The following CBX2 variants were observed in gnomAD, a reference collection of about 807,000 sequenced individuals.
CBX2 encodes the protein chromobox protein homolog 2.
Under a neutral mutation model 21.0 loss-of-function variants are expected in CBX2, and 11 were observed. The observed-to-expected ratio is 0.52, with a 90% CI of 0.33 to 0.87. CBX2 has a LOEUF of 0.87. Among genes scored for constraint, CBX2 ranks in the 40% least tolerant of loss-of-function variants. The pLI, the probability that CBX2 is intolerant of heterozygous loss-of-function variation, is 0.02. For synonymous variants in CBX2, 364 were observed against 304.6 expected (o/e 1.19, Z -2.03); for missense variants, 746 against 724.3 (o/e 1.03, Z -0.34).
intron 3 of CBX2, among the ~76,000 whole-genome samples, chr17:79,780,389 G>A (rs562427614): frequency 6.6e-6 from 1 of 152,350 alleles, no homozygotes; most frequent in South Asian, 2.1e-4. Flanking sequence ...GGTGGGGCGA[G>A]CAAAAAGAAG....
intron 2 of CBX2, 27 bp from the exon 3 acceptor site, chr17:79,779,335 A>G: frequency 1.4e-5 from 22 of 1,610,446 alleles, no homozygotes; most frequent in Non-Finnish European, 1.9e-5. Flanking sequence ...CCTGGCGTCT[A>G]ATGCTGCCCT....
In CBX2 at chr17:79,786,638, T is replaced by TA. The variant is rs1187762938; in HGVS notation, c.*1600dup. 1.3e-5 allele frequency: 2 copies of TA among 152,736 alleles called. No homozygotes were observed. The highest frequency in any genetic ancestry group is 2.9e-5 in the Non-Finnish European group (2 of 68,172). 9.5% of individuals were successfully genotyped at this position (152,736 alleles called of 1,614,324 possible). On this transcript the variant is annotated 3_prime_UTR_variant, in exon 5 of 5. Transcript: ENST00000310942. Reference sequence around the variant, plus strand: ...CACTAGGTCTTTGTGATGCCAAAAATAAAAGAGGGTGGGGTGGGTGCTTTC... The same window carrying TA: ...CACTAGGTCTTTGTGATGCCAAAAATAAAAAGAGGGTGGGGTGGGTGCTTTC...
intron 3 of CBX2, among the ~76,000 whole-genome samples, chr17:79,781,459 C>A (rs1047635017): frequency 6.6e-6 from 1 of 152,162 alleles, no homozygotes; most frequent in Non-Finnish European, 1.5e-5. Flanking sequence ...GTTTTCCCAG[C>A]GTTGCTTTCC....
At chr17:79,782,335 G>A (rs529386206) in intron 4 of CBX2, 19 of 1,480,800 alleles carry the variant, frequency 1.3e-5, no homozygotes, top group African/African-American at 2.8e-5. Flanking sequence ...ATGTGCTTTG[G>A]CCTTCTCGGG....
At chr17:79,777,524 C>T (rs551507538), upstream of CBX2, among the ~76,000 whole-genome samples, 1 of 152,208 alleles carries the variant, frequency 6.6e-6, no homozygotes, top group African/African-American at 2.4e-5. Flanking sequence ...AAGCATTTTC[C>T]TCTCTCGCCT....
At chr17:79,782,755 G>A (rs1555830728) in intron 4 of CBX2, among the ~76,000 whole-genome samples, 5 of 152,192 alleles carry the variant, frequency 3.3e-5, no homozygotes, top group African/African-American at 1.2e-4. Context: ...CTTGTTTGAG[G>A]AGGTTTGAGG....
chr17:79,780,229 G>A (rs1907072290), intron 3 of CBX2, among the ~76,000 whole-genome samples: 1 of 152,252 alleles, frequency 6.6e-6, no homozygotes, highest in Non-Finnish European at 1.5e-5. Flanking sequence ...GATAGAGGCA[G>A]AAGAATTGGT....
At chr17:79,777,369 G>C (rs1027242339), upstream of CBX2, among the ~76,000 whole-genome samples, 4 of 151,932 alleles carry the variant, frequency 2.6e-5, no homozygotes, top group Admixed American at 2.0e-4. Context: ...CAAAATCGGG[G>C]AACAAATTCA....
At chr17:79,782,338 T>C (rs1907288601) in intron 4 of CBX2, 2 of 1,471,926 alleles carry the variant, frequency 1.4e-6, no homozygotes, top group East Asian at 2.5e-5. Context: ...TGCTTTGGCC[T>C]TCTCGGGACT....
chr17:79,779,312 C>T, intron 2 of CBX2, 50 bp from the exon 3 acceptor site: 2 of 1,583,258 alleles, frequency 1.3e-6, no homozygotes, highest in Non-Finnish European at 1.7e-6. Flanking sequence ...CCTTGCAAAG[C>T]GGTGATCATC....
Position 79,783,945 on chromosome 17 carries a change from C to A in CBX2, c.502C>A (p.Pro168Thr). 6.2e-7 allele frequency: 1 copy of A among 1,613,966 alleles called. No homozygotes were observed. Among genetic ancestry groups the A allele is most frequent in the Non-Finnish European group, 8.5e-7 (1 of 1,180,054 alleles). ...DPIRKKRGRK[P>T]LPPEQKATRR... ...CATCCGGAAGAAGCGGGGACGAAAG[C>A]CCCTGCCCCCAGAGCAAAAGGCAAC... The change falls in exon 5 of 5, where the codon CCC (proline) becomes ACC (threonine). Residue 168 changes from proline (P) to threonine (T), a missense_variant. Pro to Thr is a conservative substitution (Grantham distance 38). This residue lies in a region of CBX2 where 701 missense variants were observed against 650.7 expected (regional missense o/e 1.08). Transcript: ENST00000310942.
In CBX2 at chr17:79,786,736, T is replaced by C. The variant is rs1365937338; in HGVS notation, c.*1694T>C. On this transcript the variant is annotated 3_prime_UTR_variant, in exon 5 of 5. Transcript: ENST00000310942. The stretch of plus-strand genomic sequence containing the variant: ...CCAGTGCCTGACTATAGGGAGGCAC[T>C]CCTGATTCCATGGAGCAGCCCGGAC... 6.5e-6 allele frequency: 1 copy of C among 152,694 alleles called. No individual in the cohort carries two copies. The highest frequency in any genetic ancestry group is 1.5e-5 in the Non-Finnish European group (1 of 68,066). 9.5% of individuals were successfully genotyped at this position (152,694 alleles called of 1,614,324 possible). A position where few individuals can be genotyped will look rare whatever the true frequency, so the allele number is the denominator to read the frequency against.
rs1380887393 is a variant in CBX2, at chr17:79,778,997, G to A, written c.117-365G>A. Among the ~76,000 whole-genome samples the A allele has an allele frequency of 2.6e-5, 4 of 152,108 alleles. No homozygotes were observed. The highest frequency in any genetic ancestry group is 5.9e-5 in the Non-Finnish European group (4 of 68,018). ...CGCCTGTGCCCCTCCCTGCATGCTG[G>A]ACCTGCCTTCCCTTCCTCCTCTGGC... On this transcript the variant is annotated intron_variant, in intron 2 of 4. Transcript: ENST00000310942. The surrounding 1 kb of genome is among the most constrained non-coding windows in gnomAD (Gnocchi z 4.8).
chr17:79,779,468 A>G (rs554705254), intron 3 of CBX2, 41 bp downstream of exon 3: 1 of 1,586,366 alleles, frequency 6.3e-7, no homozygotes, highest in African/African-American at 1.3e-5. Flanking sequence ...TGGGGGAGGG[A>G]CGGTGGCTGG....
intron 3 of CBX2, among the ~76,000 whole-genome samples, chr17:79,781,024 C>T (rs1907145008): frequency 6.6e-6 from 1 of 150,564 alleles, no homozygotes; most frequent in African/African-American, 2.5e-5. Context: ...TCTGCTAGCA[C>T]TTCATGACCC....
In CBX2 at chr17:79,784,943, C is replaced by T. The variant is rs782599629; in HGVS notation, c.1500C>T (p.Ile500=). ...ACTGGAAGCCCACCCGCAGCCTCAT[C>T]GAGCACGTATTTGTCACCGACGTCA... ...SQDWKPTRSL[I]EHVFVTDVTA... Residue 500 remains isoleucine, a synonymous_variant, in exon 5 of 5, where the codon ATC becomes ATT. Transcript: ENST00000310942. This position sits in a 1 kb window ranked among gnomAD's most constrained non-coding sequence, Gnocchi z 5.9. 17 of 1,612,374 alleles carry T rather than the reference C, an allele frequency of 1.1e-5. No homozygotes were observed. The highest frequency in any genetic ancestry group is 2.2e-5 in the East Asian group (1 of 44,900).
Position 79,785,275 on chromosome 17 carries a change from C to T in CBX2, c.*233C>T. 3.4e-6 allele frequency: 2 copies of T among 591,024 alleles called. No individual in the cohort carries two copies. The highest frequency in any genetic ancestry group is 6.0e-6 in the Non-Finnish European group (2 of 331,046). The allele number at this position is 591,024 out of a possible 1,614,324, so 36.6% of individuals were successfully genotyped here. A position where few individuals can be genotyped will look rare whatever the true frequency, so the allele number is the denominator to read the frequency against. ...GGTCTCCACCTTGTTCCTACCTCTG[C>T]AGGCCTCTTTGCTCTCCCCTCTTGC... On this transcript the variant is annotated 3_prime_UTR_variant, in exon 5 of 5. Transcript: ENST00000310942.
chr17:79,781,879 G>C (rs782558660), intron 4 of CBX2, 78 bp downstream of exon 4: 2 of 1,614,178 alleles, frequency 1.2e-6, no homozygotes, highest in Non-Finnish European at 1.7e-6. Flanking sequence ...GGGAGGGTTT[G>C]GGGCCCTCAG....
chr17:79,784,299 C>G lies in CBX2; in HGVS notation c.856C>G (p.Leu286Val). Reference protein sequence around the residue: ...LKAQATNKCGLGLDLKVRTQK... With the variant: ...LKAQATNKCGVGLDLKVRTQK... ...GGCCCAGGCCACCAACAAGTGCGGC[C>G]TCGGGCTGGACCTGAAGGTGAGGAC... Residue 286 changes from leucine to valine, a missense_variant, in exon 5 of 5, where the codon CTC (leucine) becomes GTC (valine). Physicochemically the swap from Leu to Val is conservative, Grantham distance 32 (BLOSUM62 1). This residue lies in a region of CBX2 where 701 missense variants were observed against 650.7 expected (regional missense o/e 1.08). Coordinates refer to ENST00000310942, the MANE Select transcript of CBX2 (RefSeq NM_005189.3). This position sits in a 1 kb window ranked among gnomAD's most constrained non-coding sequence, Gnocchi z 5.9. 6.2e-7 allele frequency: 1 copy of G among 1,613,164 alleles called. No individual in the cohort carries two copies. Among genetic ancestry groups the G allele is most frequent in the Non-Finnish European group, 8.5e-7 (1 of 1,179,946 alleles).
Sources: gnomAD v4.1 joint callset for allele counts (sites outside exome capture counted in the v4.1 genomes callset) on GRCh38, gnomAD v4.1.1 for gene constraint, gnomAD v4.1.1 regional missense constraint, Gnocchi (gnomAD v3.1) non-coding constraint, MANE v1.5 for transcripts, NCBI Gene and HGNC (gene_info 2026-07-23, HGNC 2026-07-21) for gene names.